The following SMG6 variants were observed in gnomAD, a reference collection of about 807,000 sequenced individuals.
SMG6 encodes SMG6 nonsense mediated mRNA decay factor, also known as telomerase-binding protein EST1A.
A neutral mutation model predicts 142.2 loss-of-function variants in SMG6; 66 were observed. The observed-to-expected ratio is 0.46, with a 90% CI of 0.38 to 0.57. The LOEUF is 0.57. SMG6 is among the 20% of genes least tolerant of loss of function. The probability of loss-of-function intolerance (pLI) is 0.00; values close to 1 mark genes in which losing one functional copy is unlikely to be tolerated. For missense variants in SMG6, 1,793 were observed against 1,832.0 expected (o/e 0.98, Z 0.39); for synonymous variants, 779 against 702.4 (o/e 1.11, Z -1.72).
chr17:2,300,671 T>C lies in SMG6; in HGVS notation c.89-7A>G, dbSNP rs760524217. The C allele has an allele frequency of 1.3e-6, 2 of 1,562,150 alleles. No individual in the cohort carries two copies. Among genetic ancestry groups the C allele is most frequent in the Non-Finnish European group, 1.7e-6 (2 of 1,158,480 alleles). ...TTTAATTCCTTCATGTTTTCTGTTA[T>C]GTCGGGGAAAGAGTTTGGGAGGGAA... On this transcript the variant is annotated splice_polypyrimidine_tract_variant and splice_region_variant and intron_variant, in intron 1 of 18. Transcript: ENST00000263073.
chr17:2,065,689 T>C lies in SMG6; in HGVS notation c.3836-10A>G, dbSNP rs2232486. Reference sequence around the variant, plus strand: ...TCCAGCTCATTGATCACTGATGAGATAGAGCCCCACAAGGTATCAGCCTCA... The same window carrying C: ...TCCAGCTCATTGATCACTGATGAGACAGAGCCCCACAAGGTATCAGCCTCA... On this transcript the variant is annotated splice_polypyrimidine_tract_variant and intron_variant, in intron 16 of 18. Coordinates refer to ENST00000263073, the MANE Select transcript of SMG6 (RefSeq NM_017575.5). 0.76 allele frequency: 1,223,442 copies of C among 1,606,790 alleles called. 467,766 individuals carry two copies. The highest frequency in any genetic ancestry group is 0.94 in the East Asian group (41,912 of 44,758).
At chr17:2,222,149 C>T (rs2073187443) in intron 10 of SMG6, among the ~76,000 whole-genome samples, 1 of 152,056 alleles carries the variant, frequency 6.6e-6, no homozygotes, top group Non-Finnish European at 1.5e-5. Flanking sequence ...AGACCAGAGA[C>T]CCCTATAAGC....
chr17:2,146,274 T>C lies in SMG6; in HGVS notation c.3357+26384A>G, dbSNP rs115916416. ...TTAGATGGGCAGGTGATGGGGCCAA[T>C]GCATCCACATCCCTAAACAATGCTG... On this transcript the variant is annotated intron_variant, in intron 13 of 18. Transcript: ENST00000263073. Among the ~76,000 whole-genome samples, 587 of 152,284 alleles carry C rather than the reference T, an allele frequency of 3.9e-3. 1 individual carries two copies. Among genetic ancestry groups the C allele is most frequent in the African/African-American group, 0.013 (548 of 41,554 alleles).
intron 13 of SMG6, chr17:2,127,886 C>A: frequency 1.8e-6 from 1 of 565,368 alleles, no homozygotes; most frequent in Admixed American, 1.9e-5. Context: ...GTGGCCATAT[C>A]TTTGTAGACG....
chr17:2,150,067 T>C (rs571895454), intron 13 of SMG6, among the ~76,000 whole-genome samples: 4 of 152,320 alleles, frequency 2.6e-5, no homozygotes, highest in Admixed American at 6.5e-5. Flanking sequence ...TACCAGTCCA[T>C]GGCTTGTTAG....
intron 6 of SMG6, among the ~76,000 whole-genome samples, chr17:2,285,560 T>G (rs907178738): frequency 6.6e-6 from 1 of 152,226 alleles, no homozygotes; most frequent in African/African-American, 2.4e-5. Context: ...AATTTCTGGC[T>G]AGGCCCAATG....
intron 13 of SMG6, among the ~76,000 whole-genome samples, chr17:2,171,732 C>CTT (rs370221402): frequency 7.2e-6 from 1 of 138,216 alleles, no homozygotes; most frequent in South Asian, 2.3e-4. Flanking sequence ...GGAATTTTTA[C>CTT]TTTTTTTTTT....
At chr17:2,291,046 A>C (rs938759898) in intron 6 of SMG6, among the ~76,000 whole-genome samples, 2 of 152,186 alleles carry the variant, frequency 1.3e-5, no homozygotes, top group African/African-American at 4.8e-5. Context: ...ATGTTCTGAC[A>C]CATGGCCAGG....
intron 13 of SMG6, among the ~76,000 whole-genome samples, chr17:2,090,256 C>T (rs536725979): frequency 2.2e-5 from 3 of 139,118 alleles, no homozygotes; most frequent in African/African-American, 2.7e-5. Flanking sequence ...CACAGCCACT[C>T]GGTAGGGAAC....
At chr17:2,079,602 A>C (rs1441214653) in intron 15 of SMG6, among the ~76,000 whole-genome samples, 1 of 149,782 alleles carries the variant, frequency 6.7e-6, no homozygotes, top group Non-Finnish European at 1.5e-5. Flanking sequence ...CGACAGCGAG[A>C]CTCCATCTCA....
rs1460078077 is a variant in SMG6 at position 2,077,641 on chromosome 17, AG to A, written c.3681+4168del. ...GTGGTTCATTCCGAGGCCTCACAGC[AG>A]CTCTAATATTGGTGCTTTTACCACT... On this transcript the variant is annotated intron_variant, in intron 15 of 18. Transcript: ENST00000263073. Among the ~76,000 whole-genome samples the A allele has an allele frequency of 2.6e-5, 4 of 152,336 alleles. No individual in the cohort carries two copies. The East Asian group carries it at 5.8e-4, about 22-fold the overall frequency.
At position 2,068,778 on chromosome 17, in the gene SMG6, C is replaced by T. The variant is rs751236627; in HGVS notation, c.3835G>A (p.Val1279Met). The T allele has an allele frequency of 6.2e-7, 1 of 1,613,734 alleles. No individual in the cohort carries two copies. The highest frequency in any genetic ancestry group is 8.5e-7 in the Non-Finnish European group (1 of 1,179,808). The change falls in exon 16 of 19, where the codon GTG becomes ATG. Residue 1279 changes from valine to methionine, a missense_variant and splice_region_variant. Val to Met is a conservative substitution (Grantham distance 21, BLOSUM62 1). Transcript: ENST00000263073. The surrounding 1 kb of genome is among the most constrained non-coding windows in gnomAD (Gnocchi z 6.7). The stretch of plus-strand genomic sequence containing the variant: ...GCTCTGCCCTTCCCGCCTGACTCAC[C>T]GATGAGGGGCACCACCAGGATGTAC... ...RKYILVVPLIVINELDGLAKG... is the reference protein window; with the variant it reads ...RKYILVVPLIMINELDGLAKG...
intron 8 of SMG6, among the ~76,000 whole-genome samples, chr17:2,277,177 T>TTA (rs1567740411): frequency 1.4e-4 from 17 of 120,474 alleles, no homozygotes; most frequent in African/African-American, 6.3e-4. Context: ...TTTTTATTTT[T>TTA]TTTTTTTTTG....
intron 13 of SMG6, among the ~76,000 whole-genome samples, chr17:2,162,229 T>C (rs1020804232): frequency 1.3e-5 from 2 of 151,950 alleles, no homozygotes; most frequent in African/African-American, 2.4e-5. Context: ...AAAGCAAAAA[T>C]TGGCCAGGCG....
intron 10 of SMG6, among the ~76,000 whole-genome samples, chr17:2,225,349 A>G (rs887066992): frequency 2.6e-5 from 4 of 151,552 alleles, no homozygotes; most frequent in African/African-American, 9.7e-5. Context: ...GAAAAAAAAA[A>G]AAAGAAAAAG....
At chr17:2,112,755 C>CTT (rs1189843396) in intron 13 of SMG6, among the ~76,000 whole-genome samples, 25 of 130,196 alleles carry the variant, frequency 1.9e-4, no homozygotes, top group African/African-American at 2.8e-4. Context: ...GAGCTCCAAA[C>CTT]TTTTTTTTTT....
At chr17:2,133,237 C>A (rs117886613) in intron 13 of SMG6, among the ~76,000 whole-genome samples, 3,542 of 152,082 alleles carry the variant, frequency 0.023, 82 homozygotes, top group Non-Finnish European at 0.036. Flanking sequence ...GAACGAGACT[C>A]CATCTGGGGG....
At chr17:2,218,028 CAA>C (rs72143595) in intron 10 of SMG6, among the ~76,000 whole-genome samples, 2 of 144,820 alleles carry the variant, frequency 1.4e-5, no homozygotes, top group Non-Finnish European at 3.0e-5. Context: ...AAAACAAAAA[CAA>C]AAAAAAAAAC....
At chr17:2,282,390 C>CAAAAAAAAAAAAAAAA (rs576759563) in intron 8 of SMG6, among the ~76,000 whole-genome samples, 2 of 84,520 alleles carry the variant, frequency 2.4e-5, no homozygotes, top group African/African-American at 4.4e-5. Flanking sequence ...CAAAAAGCAG[C>CAAAAAAAAAAAAAAAA]AAAAAAAAAA....
Sources: allele counts gnomAD v4.1 joint callset (sites outside exome capture counted in the v4.1 genomes callset), GRCh38; gene constraint gnomAD v4.1.1; non-coding constraint Gnocchi (gnomAD v3.1); transcripts MANE v1.5; gene names NCBI Gene and HGNC (gene_info 2026-07-23, HGNC 2026-07-21).